PTPRE: variants seen among roughly 807,000 people sequenced by gnomAD.
PTPRE encodes protein tyrosine phosphatase receptor type E.
A neutral mutation model predicts 102.0 loss-of-function variants in PTPRE; 51 were observed. The observed-to-expected ratio is 0.50, with a 90% CI of 0.40 to 0.63. PTPRE has a LOEUF of 0.63. PTPRE is among the 30% of genes least tolerant of loss of function. The pLI, the probability that PTPRE is intolerant of heterozygous loss-of-function variation, is 0.00. For synonymous variants in PTPRE, 345 were observed against 348.2 expected (o/e 0.99, Z 0.10); for missense variants, 752 against 915.1 (o/e 0.82, Z 2.30).
Position 128,047,827 on chromosome 10 carries a change from G to A in PTPRE, c.273G>A (p.Leu91=), listed in dbSNP as rs545066655. ...TSDKKMPNGI[L]EEQEQQRVML... ...ACAAGAAGATGCCCAACGGAATCTT[G>A]GAGGAGCAAGGTACAGAAGCTGCTC... Residue 91 remains leucine, a synonymous_variant, in exon 5 of 21, where the codon TTG becomes TTA. Transcript: ENST00000254667. 6.9e-5 allele frequency: 110 copies of A among 1,601,594 alleles called. 1 individual carries two copies. In the South Asian group the frequency reaches 1.1e-3, roughly 16 times the overall value.
rs576036890 is a variant in PTPRE, at chr10:127,956,106, C to A, written c.-30-26168C>A. 3.3e-5 allele frequency among the ~76,000 whole-genome samples: 5 copies of A among 152,212 alleles called. No homozygotes were observed. The South Asian group carries it at 1.0e-3, about 32-fold the overall frequency. ...TGCATCCTGTCAGGTGAAACTATTA[C>A]CTTATTATTATCTTATCTGGAAATT... On this transcript the variant is annotated intron_variant, in intron 1 of 20. Transcript: ENST00000254667.
intron 2 of PTPRE, among the ~76,000 whole-genome samples, chr10:128,018,626 C>T (rs573734729): frequency 6.6e-6 from 1 of 152,154 alleles, no homozygotes; most frequent in Non-Finnish European, 1.5e-5. Context: ...GAGAGGCCGC[C>T]TCCCCACAGC....
intron 2 of PTPRE, among the ~76,000 whole-genome samples, chr10:127,996,577 C>A (rs992196963): frequency 6.6e-6 from 1 of 152,244 alleles, no homozygotes; most frequent in Non-Finnish European, 1.5e-5. Flanking sequence ...TCACTGGAAC[C>A]CATGCCAGCC....
chr10:127,966,126 C>G (rs1378027912), intron 1 of PTPRE, among the ~76,000 whole-genome samples: 5 of 152,188 alleles, frequency 3.3e-5, no homozygotes, highest in Non-Finnish European at 7.3e-5. Flanking sequence ...AGAGGACAGG[C>G]ATGTTTATCC....
chr10:127,992,243 G>A (rs938465600), intron 2 of PTPRE, among the ~76,000 whole-genome samples: 4 of 152,080 alleles, frequency 2.6e-5, no homozygotes, highest in African/African-American at 9.7e-5. Context: ...GGTGGGGCCT[G>A]TGAGGCTCAG....
At position 128,070,929 on chromosome 10, in the gene PTPRE, A is replaced by G. The variant is rs201253259; in HGVS notation, c.1387+28A>G. On this transcript the variant is annotated intron_variant, in intron 15 of 20. Coordinates refer to ENST00000254667, the MANE Select transcript of PTPRE (RefSeq NM_006504.6). The surrounding 1 kb of genome is among the most constrained non-coding windows in gnomAD (Gnocchi z 4.8). ...AAGGCACCCGTGGCGTGGCTTGGGC[A>G]GGGCTGGGGCGGGGCTGGTGCCGGA... is the stretch of plus-strand genomic sequence containing the variant. 1.2e-5 allele frequency: 19 copies of G among 1,594,758 alleles called. No individual in the cohort carries two copies. In the East Asian group the frequency reaches 4.2e-4, roughly 36 times the overall value.
At chr10:128,055,505 T>G (rs557390171) in intron 6 of PTPRE, among the ~76,000 whole-genome samples, 1 of 152,276 alleles carries the variant, frequency 6.6e-6, no homozygotes, top group South Asian at 2.1e-4. Context: ...ATGTTCGTGC[T>G]GATTCTGTGG....
chr10:128,069,881 C>G (rs1850616063), intron 13 of PTPRE, 54 bp downstream of exon 13: 8 of 1,612,878 alleles, frequency 5.0e-6, no homozygotes, highest in East Asian at 2.2e-5. Flanking sequence ...AAACCCGATG[C>G]CTTCGCCACA....
chr10:128,014,434 G>A (rs1406569760), intron 2 of PTPRE, among the ~76,000 whole-genome samples: 3 of 152,124 alleles, frequency 2.0e-5, no homozygotes, highest in Non-Finnish European at 2.9e-5. Flanking sequence ...CAAACGGCGT[G>A]TATCGAGGGG....
At chr10:127,983,520 A>C (rs1851811008) in intron 2 of PTPRE, among the ~76,000 whole-genome samples, 1 of 152,174 alleles carries the variant, frequency 6.6e-6, no homozygotes, top group Non-Finnish European at 1.5e-5. Context: ...ATCCTATACA[A>C]GGGGTGTTGG....
intron 1 of PTPRE, among the ~76,000 whole-genome samples, chr10:127,919,150 A>G (rs2135169490): frequency 6.6e-6 from 1 of 152,302 alleles, no homozygotes; most frequent in Non-Finnish European, 1.5e-5. Flanking sequence ...CAGGAAATGG[A>G]CTTCATTGCA....
chr10:127,992,375 C>T (rs1032446305), intron 2 of PTPRE, among the ~76,000 whole-genome samples: 1 of 152,164 alleles, frequency 6.6e-6, no homozygotes, highest in African/African-American at 2.4e-5. Flanking sequence ...TTCTCGCCAT[C>T]CAGGTTGGGC....
chr10:128,056,789 A>C (rs1435499140), intron 7 of PTPRE, among the ~76,000 whole-genome samples: 1 of 151,790 alleles, frequency 6.6e-6, no homozygotes, highest in African/African-American at 2.4e-5. Flanking sequence ...TGGCAGGGCC[A>C]GAGAGCAGAC....
At chr10:127,981,409 G>A (rs1472556477) in intron 1 of PTPRE, among the ~76,000 whole-genome samples, 1 of 152,064 alleles carries the variant, frequency 6.6e-6, no homozygotes, top group Non-Finnish European at 1.5e-5. Context: ...TTTCAAGCTG[G>A]GTGAATATAC....
chr10:128,023,133 C>T (rs778347142), intron 2 of PTPRE, among the ~76,000 whole-genome samples: 8 of 152,106 alleles, frequency 5.3e-5, no homozygotes, highest in South Asian at 2.1e-4. Context: ...ACCACATTCA[C>T]GTGACTTCCA....
At chr10:127,929,397 C>T (rs763181487) in intron 1 of PTPRE, 4 of 152,114 alleles carry the variant, frequency 2.6e-5, no homozygotes, top group Non-Finnish European at 5.9e-5. Context: ...GTAGGTAAAA[C>T]TGATTTATTT....
chr10:127,917,059 C>T (rs1019665333), intron 1 of PTPRE, among the ~76,000 whole-genome samples: 2 of 151,674 alleles, frequency 1.3e-5, no homozygotes, highest in African/African-American at 2.4e-5. Context: ...ATGGAGGTGA[C>T]GGGGGAAACC....
intron 2 of PTPRE, among the ~76,000 whole-genome samples, chr10:128,030,712 C>A (rs113150569): frequency 6.6e-6 from 1 of 152,196 alleles, no homozygotes; most frequent in Non-Finnish European, 1.5e-5. Context: ...TCCTGGACAT[C>A]TCTGAACACT....
chr10:127,954,300 G>A (rs964343009), intron 1 of PTPRE, among the ~76,000 whole-genome samples: 1 of 152,184 alleles, frequency 6.6e-6, no homozygotes, highest in African/African-American at 2.4e-5. Context: ...ATCAACATGG[G>A]GTCCCCAGTA....
Sources: allele counts gnomAD v4.1 joint callset (sites outside exome capture counted in the v4.1 genomes callset), GRCh38; gene constraint gnomAD v4.1.1; non-coding constraint Gnocchi (gnomAD v3.1); transcripts MANE v1.5; gene names NCBI Gene and HGNC (gene_info 2026-07-23, HGNC 2026-07-21).